Variants in ARHGEF4 observed in about 807,000 individuals in gnomAD.
ARHGEF4 encodes the protein APC-stimulated guanine nucleotide exchange factor 1.
In ARHGEF4, 119 loss-of-function variants were observed where a neutral mutation model predicts 162.0. That is an observed-to-expected ratio of 0.73 (90% CI 0.63 to 0.86). The LOEUF (loss-of-function observed/expected upper bound fraction) is 0.86, where lower values mean the gene tolerates loss of function less well. Among genes scored for constraint, ARHGEF4 ranks in the 40% least tolerant of loss-of-function variants. The pLI, the probability that ARHGEF4 is intolerant of heterozygous loss-of-function variation, is 0.00. For missense variants in ARHGEF4, 2,488 were observed against 2,456.0 expected (o/e 1.01, Z -0.28); for synonymous variants, 1,014 against 979.9 (o/e 1.03, Z -0.65).
chr2:130,913,492 G>A (rs575000964), intron 1 of ARHGEF4, among the ~76,000 whole-genome samples: 1 of 152,250 alleles, frequency 6.6e-6, no homozygotes, highest in Admixed American at 6.5e-5. Flanking sequence ...CATTTTTGTT[G>A]TTGCTGTACT....
At chr2:131,041,130 C>T (rs538706018) in intron 8 of ARHGEF4, 100 bp from the exon 9 acceptor site, 1 of 1,170,672 alleles carries the variant, frequency 8.5e-7, no homozygotes, top group Non-Finnish European at 1.2e-6. Flanking sequence ...CAGCCCAGCT[C>T]CTGAAGGAAA....
intron 2 of ARHGEF4, among the ~76,000 whole-genome samples, chr2:130,929,220 G>T (rs1445738894): frequency 1.3e-5 from 2 of 152,142 alleles, no homozygotes; most frequent in Non-Finnish European, 2.9e-5. Context: ...TTTAAATGTA[G>T]AGCAATATTT....
intron 6 of ARHGEF4, chr2:131,039,405 GA>G (rs1690582647): frequency 1.9e-6 from 2 of 1,051,822 alleles, no homozygotes; most frequent in South Asian, 7.9e-5. Flanking sequence ...TACACCTGAA[GA>G]AGTTGAGGCA....
Position 131,040,181 on chromosome 2 carries a change from G to C in ARHGEF4, c.4471G>C (p.Asp1491His), listed in dbSNP as rs777856256. The C allele has an allele frequency of 6.2e-7, 1 of 1,610,528 alleles. No individual in the cohort carries two copies. ...TERDYIKHLR[D>H]ICEGYVRQCR... is the part of the protein sequence containing the mutation. The stretch of plus-strand genomic sequence containing the variant: ...GCGGGACTACATCAAGCACCTGCGC[G>C]ACATCTGCGAGGTGAGGCCCGGCCG... Residue 1491 changes from aspartate to histidine, a missense_variant, in exon 7 of 14, where the codon GAC (aspartate) becomes CAC (histidine). Coordinates refer to ENST00000409359, the MANE Select transcript of ARHGEF4 (RefSeq NM_001367493.1).
chr2:130,994,856 G>A (rs1687277626), intron 4 of ARHGEF4, among the ~76,000 whole-genome samples: 1 of 152,204 alleles, frequency 6.6e-6, no homozygotes, highest in African/African-American at 2.4e-5. Context: ...CTTTATAGAT[G>A]CCATTACATT....
chr2:130,958,015 C>CAAA (rs34565820), intron 4 of ARHGEF4, among the ~76,000 whole-genome samples: 128 of 138,770 alleles, frequency 9.2e-4, no homozygotes, highest in African/African-American at 2.4e-3. Flanking sequence ...TTAAAAGGAA[C>CAAA]AAAAAAAAAA....
intron 4 of ARHGEF4, among the ~76,000 whole-genome samples, chr2:130,986,299 G>T (rs966265252): frequency 6.6e-6 from 1 of 152,188 alleles, no homozygotes; most frequent in Non-Finnish European, 1.5e-5. Flanking sequence ...CAGGGCCCCA[G>T]GTTGCATGTG....
chr2:130,855,324 A>C (rs1230997889), intron 1 of ARHGEF4, among the ~76,000 whole-genome samples: 4 of 152,170 alleles, frequency 2.6e-5, no homozygotes, highest in African/African-American at 9.7e-5. Flanking sequence ...GAGGCTTGAC[A>C]ATCCACTGGG....
intron 4 of ARHGEF4, among the ~76,000 whole-genome samples, chr2:131,005,705 C>A (rs1169666081): frequency 6.6e-6 from 1 of 152,064 alleles, no homozygotes; most frequent in East Asian, 1.9e-4. Context: ...GGCGGGAGTG[C>A]CCAGCGCCCC....
chr2:130,861,171 C>CTAT (rs1682000120), intron 1 of ARHGEF4, among the ~76,000 whole-genome samples: 2 of 36,662 alleles, frequency 5.5e-5, no homozygotes, highest in Non-Finnish European at 8.6e-5. Context: ...ACCAATTAAA[C>CTAT]AACCCAAACT....
At chr2:130,870,958 C>T (rs954907980) in intron 1 of ARHGEF4, among the ~76,000 whole-genome samples, 1 of 152,082 alleles carries the variant, frequency 6.6e-6, no homozygotes, top group Non-Finnish European at 1.5e-5. Flanking sequence ...CTGAGGTTTG[C>T]GGAGGAAGTG....
chr2:130,878,188 TC>T (rs1678979282), intron 1 of ARHGEF4, among the ~76,000 whole-genome samples: 1 of 152,224 alleles, frequency 6.6e-6, no homozygotes, highest in East Asian at 1.9e-4. Flanking sequence ...TGTCATATAT[TC>T]TTTATCTTTT....
At position 131,040,526 on chromosome 2, in the gene ARHGEF4, C is replaced by T. The variant is rs1690724876; in HGVS notation, c.4662+86C>T. On this transcript the variant is annotated intron_variant, in intron 8 of 13. Transcript: ENST00000409359. ...CCAGCGCGGACAGCGGGTGGCTGGT[C>T]CCAAAACCTTCCACAACGCCTGGGC... The T allele has an allele frequency of 2.1e-6, 3 of 1,418,114 alleles. No individual in the cohort carries two copies. The African/African-American group carries it at 4.3e-5, about 21-fold the overall frequency. The allele number at this position is 1,418,114 out of a possible 1,614,324, so 87.8% of individuals were successfully genotyped here.
At chr2:130,870,786 A>G (rs1678424471) in intron 1 of ARHGEF4, among the ~76,000 whole-genome samples, 1 of 152,068 alleles carries the variant, frequency 6.6e-6, no homozygotes, top group Admixed American at 6.5e-5. Flanking sequence ...CCAGCGAGAC[A>G]TGGGGGTTGG....
At chr2:131,006,657 G>A (rs573596811) in intron 4 of ARHGEF4, among the ~76,000 whole-genome samples, 4 of 152,290 alleles carry the variant, frequency 2.6e-5, no homozygotes, top group African/African-American at 9.6e-5. Flanking sequence ...ACTTACCTAG[G>A]CATCTTTTAT....
chr2:130,876,109 G>C (rs929372588), intron 1 of ARHGEF4, among the ~76,000 whole-genome samples: 1 of 152,180 alleles, frequency 6.6e-6, no homozygotes. Context: ...CGCTCATAGG[G>C]TAGGCTTTCC....
intron 4 of ARHGEF4, among the ~76,000 whole-genome samples, chr2:130,991,536 G>C (rs944559837): frequency 2.0e-5 from 3 of 152,182 alleles, no homozygotes; most frequent in Non-Finnish European, 2.9e-5. Context: ...CCCGGCACTC[G>C]GAGCAGCCGG....
chr2:130,977,076 CTGTGTGGTG>C (rs146985426), intron 4 of ARHGEF4, among the ~76,000 whole-genome samples: 2,520 of 147,520 alleles, frequency 0.017, 29 homozygotes, highest in Non-Finnish European at 0.027. Context: ...ATGTGTGTTA[CTGTGTGGTG>C]TGTGTGGTGT....
chr2:130,966,200 A>G (rs2105205678), intron 4 of ARHGEF4, among the ~76,000 whole-genome samples: 1 of 152,242 alleles, frequency 6.6e-6, no homozygotes, highest in Middle Eastern at 3.4e-3. Flanking sequence ...GTTTGGTAGG[A>G]CCTGCATCAG....
Sources: gnomAD v4.1 joint callset for allele counts (sites outside exome capture counted in the v4.1 genomes callset) on GRCh38, gnomAD v4.1.1 for gene constraint, MANE v1.5 for transcripts, NCBI Gene and HGNC (gene_info 2026-07-23, HGNC 2026-07-21) for gene names.